Variants in FSTL4 observed in about 807,000 individuals in gnomAD.
FSTL4 encodes the protein follistatin-related protein 4.
In FSTL4, 28 loss-of-function variants were observed where a neutral mutation model predicts 78.2. That is an observed-to-expected ratio of 0.36 (90% confidence interval 0.27 to 0.49). FSTL4 has a LOEUF of 0.49. Ranked by LOEUF, FSTL4 falls within the 20% of genes least tolerant of loss-of-function variation. The probability of loss-of-function intolerance (pLI) is 0.98; values close to 1 mark genes in which losing one functional copy is unlikely to be tolerated. For synonymous variants in FSTL4, 422 were observed against 440.5 expected, an observed-to-expected ratio of 0.96 and a Z score of 0.53; for missense variants, 922 against 1,084.9, an observed-to-expected ratio of 0.85 and a Z score of 2.11.
At chr5:133,267,467 C>T (rs1295422074) in intron 6 of FSTL4, among the ~76,000 whole-genome samples, 1 of 152,196 alleles carries the variant, frequency 6.6e-6, no homozygotes, top group Non-Finnish European at 1.5e-5. Flanking sequence ...ATCTGCCCAT[C>T]ACACAGATGA....
the FSTL4 span, among the ~76,000 whole-genome samples, chr5:133,811,523 C>A: frequency 1.3e-5 from 2 of 152,222 alleles, no homozygotes; most frequent in Admixed American, 6.5e-5. Flanking sequence ...CACACCCAAC[C>A]CTGAGCCGCC....
chr5:133,592,818 C>T (rs1488587456), intron 2 of FSTL4, among the ~76,000 whole-genome samples: 3 of 152,172 alleles, frequency 2.0e-5, no homozygotes, highest in East Asian at 3.8e-4. Context: ...TGGAAGCTTC[C>T]TGAGGTCTCA....
chr5:133,426,836 C>A lies in FSTL4; in HGVS notation c.161-25850G>T, dbSNP rs1756830048. On this transcript the variant is annotated intron_variant, in intron 3 of 15. Transcript: ENST00000265342. This position sits in a 1 kb window ranked among gnomAD's most constrained non-coding sequence, Gnocchi z 5.0. ...ACTGCAATCCAGAACCCAAACCAGG[C>A]TAAAATGTTTCCTTTTTCCGAAAGT... Among the ~76,000 whole-genome samples, 1 of 152,166 alleles carries A rather than the reference C, an allele frequency of 6.6e-6. No homozygotes were observed. The highest frequency in any genetic ancestry group is 1.5e-5 in the Non-Finnish European group (1 of 68,036).
chr5:133,207,990 C>G (rs533621538), intron 14 of FSTL4: 1 of 152,166 alleles, frequency 6.6e-6, no homozygotes, highest in Non-Finnish European at 1.5e-5. Context: ...TTAGTTACAG[C>G]TTGGTATCAG....
At chr5:133,233,131 ACT>A (rs1751544826) in intron 8 of FSTL4, among the ~76,000 whole-genome samples, 2 of 152,212 alleles carry the variant, frequency 1.3e-5, no homozygotes. Context: ...CATGCTCCAC[ACT>A]GTCTGTGGCA....
chr5:133,738,262 T>C, the FSTL4 span, among the ~76,000 whole-genome samples: 1 of 152,330 alleles, frequency 6.6e-6, no homozygotes, highest in South Asian at 2.1e-4. Context: ...TGGAGTTTTC[T>C]CTCTGAGGAG....
At chr5:133,306,913 C>A (rs1753670673) in intron 6 of FSTL4, among the ~76,000 whole-genome samples, 3 of 152,190 alleles carry the variant, frequency 2.0e-5, no homozygotes, top group Admixed American at 2.0e-4. Context: ...CAGAAATCTT[C>A]ATCATTACCC....
chr5:133,548,010 A>T (rs1422768337), intron 3 of FSTL4, among the ~76,000 whole-genome samples: 1 of 152,190 alleles, frequency 6.6e-6, no homozygotes, highest in African/African-American at 2.4e-5. Context: ...TGGTTGGTGA[A>T]CACACTGATG....
intron 6 of FSTL4, among the ~76,000 whole-genome samples, chr5:133,304,429 T>A (rs1445074255): frequency 6.6e-6 from 1 of 152,094 alleles, no homozygotes; most frequent in Non-Finnish European, 1.5e-5. Context: ...AAGGACAAGG[T>A]TTCCAGCCAC....
chr5:133,473,080 C>T (rs1234648221), intron 3 of FSTL4, among the ~76,000 whole-genome samples: 1 of 152,210 alleles, frequency 6.6e-6, no homozygotes, highest in Non-Finnish European at 1.5e-5. Context: ...CCTTCCCCTC[C>T]CTGTTTCTTT....
the FSTL4 span, among the ~76,000 whole-genome samples, chr5:133,773,760 T>C: frequency 1.7e-4 from 26 of 152,296 alleles, no homozygotes; most frequent in African/African-American, 5.8e-4. Context: ...TTAATTACTC[T>C]TTTGAGTGTG....
the FSTL4 span, among the ~76,000 whole-genome samples, chr5:133,726,903 C>A: frequency 1.3e-5 from 2 of 152,224 alleles, no homozygotes; most frequent in African/African-American, 4.8e-5. Context: ...CTCTGTTTCA[C>A]ATAAAAGCAT....
At chr5:133,399,915 A>G (rs747700675) in intron 4 of FSTL4, among the ~76,000 whole-genome samples, 13 of 152,240 alleles carry the variant, frequency 8.5e-5, no homozygotes, top group African/African-American at 1.2e-4. Context: ...TTTGTATACA[A>G]TAAATACTTC....
intron 4 of FSTL4, among the ~76,000 whole-genome samples, chr5:133,328,444 G>A (rs1234673390): frequency 6.6e-6 from 1 of 152,202 alleles, no homozygotes; most frequent in African/African-American, 2.4e-5. Context: ...CCCTGGGAGA[G>A]GGATCCACAT....
intron 3 of FSTL4, among the ~76,000 whole-genome samples, chr5:133,546,224 T>C (rs1161145803): frequency 6.6e-6 from 1 of 152,082 alleles, no homozygotes; most frequent in African/African-American, 2.4e-5. Flanking sequence ...AGTGAAAAAG[T>C]GGCTGGATGC....
chr5:133,238,911 C>T (rs1264804086), intron 7 of FSTL4, among the ~76,000 whole-genome samples: 2 of 152,242 alleles, frequency 1.3e-5, no homozygotes, highest in Admixed American at 1.3e-4. Context: ...AGCCCTTCAG[C>T]CTGCCGCTGC....
At position 133,249,488 on chromosome 5, in the gene FSTL4, G is replaced by A; in HGVS notation, c.816C>T (p.Val272=). 6.2e-7 allele frequency: 1 copy of A among 1,613,560 alleles called. No homozygotes were observed. The highest frequency in any genetic ancestry group is 8.5e-7 in the Non-Finnish European group (1 of 1,179,524). The change falls in exon 7 of 16, where the codon GTC becomes GTT. Residue 272 remains valine (V), a synonymous_variant. Transcript: ENST00000265342. Reference sequence around the variant, plus strand: ...TGATTGGTGGCCTCAGGTCTCCATGGACGGCGCAGGTCAGCACTGTGCTCA... The same window carrying A: ...TGATTGGTGGCCTCAGGTCTCCATGAACGGCGCAGGTCAGCACTGTGCTCA... ...VGLSTVLTCA[V]HGDLRPPIIW...
At chr5:133,821,563 T>C in the FSTL4 span, among the ~76,000 whole-genome samples, 1 of 151,582 alleles carries the variant, frequency 6.6e-6, no homozygotes, top group Non-Finnish European at 1.5e-5. Context: ...GGAACAAGAG[T>C]CCAGAGGCAG....
chr5:133,703,193 T>TA, the FSTL4 span, among the ~76,000 whole-genome samples: 1 of 152,224 alleles, frequency 6.6e-6, no homozygotes, highest in African/African-American at 2.4e-5. Context: ...TACTATACAG[T>TA]AAAAACCTTT....
Sources: allele counts gnomAD v4.1 joint callset (sites outside exome capture counted in the v4.1 genomes callset), GRCh38; gene constraint gnomAD v4.1.1; non-coding constraint Gnocchi (gnomAD v3.1); transcripts MANE v1.5; gene names NCBI Gene and HGNC (gene_info 2026-07-23, HGNC 2026-07-21).